Variants in NUP153 observed in about 807,000 individuals in gnomAD.
NUP153 encodes nuclear pore complex protein Nup153.
NUP153 carries 27 observed loss-of-function variants against 134.6 expected under a neutral mutation model. That is an observed-to-expected ratio of 0.20 (90% confidence interval 0.15 to 0.28). The LOEUF is 0.28. Among genes scored for constraint, NUP153 ranks in the 10% least tolerant of loss-of-function variants. The pLI, the probability that NUP153 is intolerant of heterozygous loss-of-function variation, is 1.00. For synonymous variants in NUP153, 640 were observed against 623.5 expected (o/e 1.03, Z -0.40); for missense variants, 1,821 against 1,731.3 (o/e 1.05, Z -0.92).
chr6:17,618,772 T>A (rs1425655347), intron 20 of NUP153, among the ~76,000 whole-genome samples: 1 of 152,130 alleles, frequency 6.6e-6, no homozygotes, highest in Admixed American at 6.5e-5. Context: ...TTCACCGTGT[T>A]AGCCAGGATG....
intron 14 of NUP153, among the ~76,000 whole-genome samples, chr6:17,641,077 AG>A (rs1765807967): frequency 6.6e-6 from 1 of 150,968 alleles, no homozygotes; most frequent in Admixed American, 6.6e-5. Context: ...CCTTGTATTT[AG>A]AGATCTACAT....
chr6:17,629,559 A>C lies in NUP153; in HGVS notation c.2660-20T>G. On this transcript the variant is annotated intron_variant, in intron 17 of 21. Coordinates refer to ENST00000262077, the MANE Select transcript of NUP153 (RefSeq NM_005124.4). ...CAAAGCCTACAAAAATATAAAAGACACCACATAGACACTCAATGTACTGAT... is the reference window on the plus strand; with the variant it reads ...CAAAGCCTACAAAAATATAAAAGACCCCACATAGACACTCAATGTACTGAT... 3 of 1,558,114 alleles carry C rather than the reference A, an allele frequency of 1.9e-6. No homozygotes were observed. Among genetic ancestry groups the C allele is most frequent in the Non-Finnish European group, 2.6e-6 (3 of 1,160,672 alleles).
intron 2 of NUP153, among the ~76,000 whole-genome samples, chr6:17,679,084 G>C (rs1288934479): frequency 2.6e-5 from 4 of 151,510 alleles, no homozygotes. Flanking sequence ...ACTAAGACTA[G>C]AACGAAACTA....
At chr6:17,677,120 C>T (rs1373798560) in intron 2 of NUP153, among the ~76,000 whole-genome samples, 1 of 152,198 alleles carries the variant, frequency 6.6e-6, no homozygotes, top group East Asian at 1.9e-4. Flanking sequence ...AGACCTACTA[C>T]AGATCTCTCC....
chr6:17,656,482 C>A (rs1343217432), intron 11 of NUP153, among the ~76,000 whole-genome samples: 1 of 152,026 alleles, frequency 6.6e-6, no homozygotes, highest in Non-Finnish European at 1.5e-5. Context: ...TGGGGTGATC[C>A]TCCCACTTCA....
chr6:17,703,709 G>C (rs1166517686), intron 1 of NUP153, among the ~76,000 whole-genome samples: 1 of 150,930 alleles, frequency 6.6e-6, no homozygotes, highest in Non-Finnish European at 1.5e-5. Flanking sequence ...ACTTTCCTTG[G>C]GTAGTGGTAG....
At chr6:17,696,732 G>A (rs1021513468) in intron 1 of NUP153, among the ~76,000 whole-genome samples, 31 of 152,100 alleles carry the variant, frequency 2.0e-4, no homozygotes, top group Admixed American at 1.8e-3. Context: ...TCCAACCTGG[G>A]CCACAGAGCA....
intron 14 of NUP153, among the ~76,000 whole-genome samples, chr6:17,641,991 T>C (rs1176157449): frequency 1.3e-5 from 2 of 152,106 alleles, no homozygotes; most frequent in African/African-American, 4.8e-5. Context: ...AATAACCAAG[T>C]TTTTCTTTTT....
intron 1 of NUP153, among the ~76,000 whole-genome samples, chr6:17,691,125 G>T (rs1423690592): frequency 6.6e-6 from 1 of 151,696 alleles, no homozygotes; most frequent in African/African-American, 2.4e-5. Context: ...CTGGGCAACA[G>T]AGCAAAAGCG....
At chr6:17,661,329 C>T (rs12208168) in intron 11 of NUP153, among the ~76,000 whole-genome samples, 32,635 of 151,944 alleles carry the variant, frequency 0.21, 4,067 homozygotes, top group Non-Finnish European at 0.28. Context: ...AAGAAGAATA[C>T]GTATAGTATT....
chr6:17,663,260 C>CACATATATATATAG (rs1389702878), intron 9 of NUP153, among the ~76,000 whole-genome samples: 3 of 139,996 alleles, frequency 2.1e-5, no homozygotes, highest in Non-Finnish European at 4.6e-5. Flanking sequence ...CACACACACA[C>CACATATATATATAG]ATATATATAT....
Position 17,631,862 on chromosome 6 carries a change from G to C in NUP153, c.2659+788C>G, listed in dbSNP as rs113852994. ...GGTTCCTGTAGTCCCAGCTACTCGG[G>C]AGGCTGAAGCAGGAGAATGGCATGA... On this transcript the variant is annotated intron_variant, in intron 17 of 21. Transcript: ENST00000262077. Among the ~76,000 whole-genome samples, 999 of 152,268 alleles carry C rather than the reference G, an allele frequency of 6.6e-3. 20 individuals carry two copies. Among genetic ancestry groups the C allele is most frequent in the African/African-American group, 0.023 (944 of 41,550 alleles).
rs1280448841 is a variant in NUP153 at position 17,629,112 on chromosome 6, A to G, written c.3087T>C (p.Ile1029=). The change falls in exon 18 of 22, where the codon ATT becomes ATC. Residue 1029 remains isoleucine, a synonymous_variant. Coordinates refer to ENST00000262077, the MANE Select transcript of NUP153 (RefSeq NM_005124.4). The part of the protein sequence containing the change: ...SAGFSFGTGV[I]NSTPAPANTI... ...TGTTAGCAGGAGCAGGGGTGGAGTT[A>G]ATAACACCTGTACCAAAGCTAAAAC... The G allele has an allele frequency of 6.2e-7, 1 of 1,614,000 alleles. No homozygotes were observed. The highest frequency in any genetic ancestry group is 8.5e-7 in the Non-Finnish European group (1 of 1,180,034).
intron 5 of NUP153, among the ~76,000 whole-genome samples, chr6:17,672,020 A>G (rs1767943697): frequency 6.6e-6 from 1 of 152,154 alleles, no homozygotes. Flanking sequence ...AAATAAAAAA[A>G]GCAATTCCAA....
chr6:17,632,846 TAAAAAAA>T lies in NUP153; in HGVS notation c.2465-9_2465-3del. 1 of 864,560 alleles carries T rather than the reference TAAAAAAA, an allele frequency of 1.2e-6. No homozygotes were observed. Among genetic ancestry groups the T allele is most frequent in the South Asian group, 2.4e-5 (1 of 41,510 alleles). 53.6% of individuals were successfully genotyped at this position (864,560 alleles called of 1,614,324 possible). The stretch of plus-strand genomic sequence containing the variant: ...TACTTGAAGCAGGTACTGAACTTCC[TAAAAAAA>T]AAAAAAAAAACGGGGAGTGGGGGGA... On this transcript the variant is annotated splice_polypyrimidine_tract_variant and splice_region_variant and intron_variant, in intron 16 of 21. Coordinates refer to ENST00000262077, the MANE Select transcript of NUP153 (RefSeq NM_005124.4).
intron 1 of NUP153, among the ~76,000 whole-genome samples, chr6:17,694,964 G>T (rs1471477008): frequency 7.3e-6 from 1 of 136,810 alleles, no homozygotes; most frequent in East Asian, 2.1e-4. Flanking sequence ...GAGCAACAAA[G>T]CGAGACTCTG....
chr6:17,617,231 G>GACTTA (rs1425059908), intron 20 of NUP153, among the ~76,000 whole-genome samples: 1 of 152,060 alleles, frequency 6.6e-6, no homozygotes, highest in African/African-American at 2.4e-5. Flanking sequence ...GGGCACCCTG[G>GACTTA]ACTTATGGTT....
chr6:17,673,198 G>T (rs765629336), intron 5 of NUP153, among the ~76,000 whole-genome samples: 10 of 152,048 alleles, frequency 6.6e-5, no homozygotes, highest in African/African-American at 2.4e-4. Context: ...GAGAAACTCC[G>T]TCTCTACTAA....
At chr6:17,702,727 G>C (rs1770199428) in intron 1 of NUP153, among the ~76,000 whole-genome samples, 1 of 152,028 alleles carries the variant, frequency 6.6e-6, no homozygotes. Flanking sequence ...AATGCATCTA[G>C]GCAAAAAGGT....
Sources: gnomAD v4.1 joint callset for allele counts (sites outside exome capture counted in the v4.1 genomes callset) on GRCh38, gnomAD v4.1.1 for gene constraint, MANE v1.5 for transcripts, NCBI Gene and HGNC (gene_info 2026-07-23, HGNC 2026-07-21) for gene names.